Variants in KLF6 observed in about 807,000 individuals in gnomAD.
KLF6 encodes Krueppel-like factor 6.
For missense variants in KLF6, 233 were observed against 359.8 expected, an observed-to-expected ratio of 0.65 and a Z score of 2.85; for synonymous variants, 152 against 147.9, an observed-to-expected ratio of 1.03 and a Z score of -0.20.
In KLF6 at chr10:3,777,725, T is replaced by A. The variant is rs981570495; in HGVS notation, c.*1814A>T. ...TCTAGCTAAACATTCTAGTTTCTCC[T>A]TAAAAAAAATATTTATATATTATCT... On this transcript the variant is annotated 3_prime_UTR_variant, in exon 4 of 4. Transcript: ENST00000497571. The A allele has an allele frequency of 2.8e-6, 1 of 352,168 alleles. No homozygotes were observed. The highest frequency in any genetic ancestry group is 2.2e-5 in the African/African-American group (1 of 45,564). The allele number at this position is 352,168 out of a possible 1,614,324, so 21.8% of individuals were successfully genotyped here.
At chr10:3,784,436 A>G (rs1832601424) in intron 1 of KLF6, among the ~76,000 whole-genome samples, 1 of 152,190 alleles carries the variant, frequency 6.6e-6, no homozygotes, top group Admixed American at 6.5e-5. Context: ...AAGAGCAGAA[A>G]ACACATTGGA....
chr10:3,777,838 G>C lies in KLF6; in HGVS notation c.*1701C>G, dbSNP rs1264085359. On this transcript the variant is annotated 3_prime_UTR_variant, in exon 4 of 4. Coordinates refer to ENST00000497571, the MANE Select transcript of KLF6 (RefSeq NM_001300.6). ...GAATTCTGCCCACTTTTTTAAAAAA[G>C]TAGTATACTTTCTGTATTACCAACA... 1 of 481,744 alleles carries C rather than the reference G, an allele frequency of 2.1e-6. No homozygotes were observed. 29.8% of individuals were successfully genotyped at this position (481,744 alleles called of 1,614,324 possible).
rs1832516624 is a variant in KLF6, at chr10:3,781,432, T to C, written c.676+209A>G. ...CTTGTTTGTTTAATCTGAAAATTGT[T>C]ACACATTTATCCAACTCAAAAGTCC... On this transcript the variant is annotated intron_variant, in intron 2 of 3. Coordinates refer to ENST00000497571, the MANE Select transcript of KLF6 (RefSeq NM_001300.6). This position sits in a 1 kb window ranked among gnomAD's most constrained non-coding sequence, Gnocchi z 5.8. The C allele has an allele frequency of 1.3e-6, 2 of 1,513,892 alleles. No individual in the cohort carries two copies. Among genetic ancestry groups the C allele is most frequent in the Admixed American group, 2.2e-5 (1 of 44,630 alleles). 93.8% of individuals were successfully genotyped at this position (1,513,892 alleles called of 1,614,324 possible).
At position 3,781,097 on chromosome 10, in the gene KLF6, A is replaced by T. The variant is rs1832507227; in HGVS notation, c.676+544T>A. ...TGGCATTTCATTAAGAAACTGTTTCAAGCGGTATCAGAAACAAAGGCTGCA... is the reference window on the plus strand; with the variant it reads ...TGGCATTTCATTAAGAAACTGTTTCTAGCGGTATCAGAAACAAAGGCTGCA... On this transcript the variant is annotated intron_variant, in intron 2 of 3. Transcript: ENST00000497571. This position sits in a 1 kb window ranked among gnomAD's most constrained non-coding sequence, Gnocchi z 5.8. The T allele has an allele frequency of 5.4e-6, 1 of 186,428 alleles. No homozygotes were observed. The highest frequency in any genetic ancestry group is 1.1e-5 in the Non-Finnish European group (1 of 89,954). The allele number at this position is 186,428 out of a possible 1,614,324, so 11.5% of individuals were successfully genotyped here.
Position 3,776,440 on chromosome 10 carries a change from T to C in KLF6, c.*3099A>G, listed in dbSNP as rs1440520230. ...GGAAGGGGCTGAGGTCGGTGAGTTG[T>C]TCTCAGGGTTGCTCAATGAAGATTT... On this transcript the variant is annotated 3_prime_UTR_variant, in exon 4 of 4. Transcript: ENST00000497571. The C allele has an allele frequency of 1.9e-5, 10 of 531,910 alleles. No homozygotes were observed. Among genetic ancestry groups the C allele is most frequent in the Middle Eastern group, 5.2e-4 (1 of 1,916 alleles). The allele number at this position is 531,910 out of a possible 1,614,324, so 32.9% of individuals were successfully genotyped here.
chr10:3,780,136 G>A lies in KLF6; in HGVS notation c.770C>T (p.Ala257Val). The A allele has an allele frequency of 6.2e-7, 1 of 1,614,180 alleles. No individual in the cohort carries two copies. The highest frequency in any genetic ancestry group is 8.5e-7 in the Non-Finnish European group (1 of 1,180,020). Residue 257 changes from alanine (A) to valine (V), a missense_variant, in exon 3 of 4, where the codon GCC becomes GTC. Physicochemically the swap from Ala to Val is moderately conservative, Grantham distance 64. Coordinates refer to ENST00000497571, the MANE Select transcript of KLF6 (RefSeq NM_001300.6). The surrounding 1 kb of genome is among the most constrained non-coding windows in gnomAD (Gnocchi z 4.6). ...ACAGTGGGAGCATTTAAAAGGCTTG[G>A]CCCCGGTGTGCTTTCGGAAGTGCCT... ...LTRHFRKHTG[A>V]KPFKCSHCDR... is the part of the protein sequence containing the mutation.
chr10:3,777,370 A>G lies in KLF6; in HGVS notation c.*2169T>C. ...GGAAAAAATAGCTTCATCTGCATAA[A>G]AAGTGTTCTACAAAAGAATCCCTGT... On this transcript the variant is annotated 3_prime_UTR_variant, in exon 4 of 4. Transcript: ENST00000497571. 1 of 513,972 alleles carries G rather than the reference A, an allele frequency of 1.9e-6. No individual in the cohort carries two copies. Among genetic ancestry groups the G allele is most frequent in the Non-Finnish European group, 3.8e-6 (1 of 263,384 alleles). The allele number at this position is 513,972 out of a possible 1,614,324, so 31.8% of individuals were successfully genotyped here. A position where few individuals can be genotyped will look rare whatever the true frequency, so the allele number is the denominator to read the frequency against.
At position 3,776,769 on chromosome 10, in the gene KLF6, C is replaced by G; in HGVS notation, c.*2770G>C. The G allele has an allele frequency of 2.1e-6, 1 of 487,326 alleles. No individual in the cohort carries two copies. Among genetic ancestry groups the G allele is most frequent in the Non-Finnish European group, 3.9e-6 (1 of 255,704 alleles). 30.2% of individuals were successfully genotyped at this position (487,326 alleles called of 1,614,324 possible). On this transcript the variant is annotated 3_prime_UTR_variant, in exon 4 of 4. Coordinates refer to ENST00000497571, the MANE Select transcript of KLF6 (RefSeq NM_001300.6). ...TTTAATTTCAAGCAAAAAGTTTCTG[C>G]TTGATTGAGGCTCAGTTATCACCTG...
rs1053229949 is a variant in KLF6 at position 3,776,265 on chromosome 10, G to A, written c.*3274C>T. ...CAATGCATTCCCTGGCTTGAGCAATGGAAGATCAAACCGGCATGGTTCCCT... is the reference window on the plus strand; with the variant it reads ...CAATGCATTCCCTGGCTTGAGCAATAGAAGATCAAACCGGCATGGTTCCCT... On this transcript the variant is annotated 3_prime_UTR_variant, in exon 4 of 4. Transcript: ENST00000497571. 1 of 532,664 alleles carries A rather than the reference G, an allele frequency of 1.9e-6. No individual in the cohort carries two copies. The highest frequency in any genetic ancestry group is 3.6e-6 in the Non-Finnish European group (1 of 275,376). The allele number at this position is 532,664 out of a possible 1,614,324, so 33.0% of individuals were successfully genotyped here. A position where few individuals can be genotyped will look rare whatever the true frequency, so the allele number is the denominator to read the frequency against.
In KLF6 at chr10:3,777,928, T is replaced by C. The variant is rs1832430878; in HGVS notation, c.*1611A>G. On this transcript the variant is annotated 3_prime_UTR_variant, in exon 4 of 4. Transcript: ENST00000497571. ...AAATACATTAACATTGGGGGTTTTT[T>C]AATACTTCTGTATCTTTAATATGTG... 2.0e-6 allele frequency: 1 copy of C among 494,532 alleles called. No individual in the cohort carries two copies. The allele number at this position is 494,532 out of a possible 1,614,324, so 30.6% of individuals were successfully genotyped here. A position where few individuals can be genotyped will look rare whatever the true frequency, so the allele number is the denominator to read the frequency against.
At position 3,776,017 on chromosome 10, in the gene KLF6, T is replaced by C. The variant is rs1302295602; in HGVS notation, c.*3522A>G. On this transcript the variant is annotated 3_prime_UTR_variant, in exon 4 of 4. Transcript: ENST00000497571. Reference sequence around the variant, plus strand: ...CCTCTGGCAGTGATGTCATCTTTTATTTTCTGCCCTCCTTGACTGAGAGTG... The same window carrying C: ...CCTCTGGCAGTGATGTCATCTTTTACTTTCTGCCCTCCTTGACTGAGAGTG... 2.1e-6 allele frequency: 1 copy of C among 478,892 alleles called. No individual in the cohort carries two copies. The highest frequency in any genetic ancestry group is 4.3e-5 in the East Asian group (1 of 23,498). The allele number at this position is 478,892 out of a possible 1,614,324, so 29.7% of individuals were successfully genotyped here. A position where few individuals can be genotyped will look rare whatever the true frequency, so the allele number is the denominator to read the frequency against.
Position 3,785,129 on chromosome 10 carries a change from C to G in KLF6, c.-115G>C. ...GAAAGTTTCATGCAAACTCCAGGCT[C>G]GCAGAGACGCCCGGCCGGACCCTCC... On this transcript the variant is annotated 5_prime_UTR_variant, in exon 1 of 4. Coordinates refer to ENST00000497571, the MANE Select transcript of KLF6 (RefSeq NM_001300.6). The G allele has an allele frequency of 1.9e-6, 3 of 1,547,224 alleles. No individual in the cohort carries two copies. Among genetic ancestry groups the G allele is most frequent in the South Asian group, 2.3e-5 (2 of 85,256 alleles).
rs1440220490 is a variant in KLF6 at position 3,778,163 on chromosome 10, TA to T, written c.*1375del. 1.9e-6 allele frequency: 1 copy of T among 521,040 alleles called. No homozygotes were observed. The highest frequency in any genetic ancestry group is 2.2e-5 in the Admixed American group (1 of 44,574). 32.3% of individuals were successfully genotyped at this position (521,040 alleles called of 1,614,324 possible). On this transcript the variant is annotated 3_prime_UTR_variant, in exon 4 of 4. Coordinates refer to ENST00000497571, the MANE Select transcript of KLF6 (RefSeq NM_001300.6). The stretch of plus-strand genomic sequence containing the variant: ...TCTATGTCTTTGTGAAGGAGGACCT[TA>T]AAGAGATTTTTTTTCTGTATTATAC...
In KLF6 at chr10:3,780,055, A is replaced by G. The variant is rs1394225939; in HGVS notation, c.800+51T>C. On this transcript the variant is annotated intron_variant, in intron 3 of 3. Coordinates refer to ENST00000497571, the MANE Select transcript of KLF6 (RefSeq NM_001300.6). This position sits in a 1 kb window ranked among gnomAD's most constrained non-coding sequence, Gnocchi z 4.6. ...GCACACCTACTCAACCCTGGTCATCACATTCCCAAGGCCCCACGCTCCTTG... is the reference window on the plus strand; with the variant it reads ...GCACACCTACTCAACCCTGGTCATCGCATTCCCAAGGCCCCACGCTCCTTG... 2 of 1,611,836 alleles carry G rather than the reference A, an allele frequency of 1.2e-6. No homozygotes were observed. The highest frequency in any genetic ancestry group is 1.3e-5 in the African/African-American group (1 of 74,892).
At position 3,776,678 on chromosome 10, in the gene KLF6, A is replaced by ATTCT. The variant is rs1396136595; in HGVS notation, c.*2857_*2860dup. 5 of 479,324 alleles carry ATTCT rather than the reference A, an allele frequency of 1.0e-5. No individual in the cohort carries two copies. In the East Asian group the frequency reaches 2.2e-4, roughly 21 times the overall value. The allele number at this position is 479,324 out of a possible 1,614,324, so 29.7% of individuals were successfully genotyped here. A position where few individuals can be genotyped will look rare whatever the true frequency, so the allele number is the denominator to read the frequency against. Reference sequence around the variant, plus strand: ...AAAATTTTACAAAAATCTTACAAAGATTCTTTAGATAACAGGGTGCTTCCA... The same window carrying ATTCT: ...AAAATTTTACAAAAATCTTACAAAGATTCTTTCTTTAGATAACAGGGTGCTTCCA... On this transcript the variant is annotated 3_prime_UTR_variant, in exon 4 of 4. Coordinates refer to ENST00000497571, the MANE Select transcript of KLF6 (RefSeq NM_001300.6).
At position 3,778,123 on chromosome 10, in the gene KLF6, T is replaced by G. The variant is rs986089018; in HGVS notation, c.*1416A>C. 1 of 517,698 alleles carries G rather than the reference T, an allele frequency of 1.9e-6. No homozygotes were observed. The highest frequency in any genetic ancestry group is 3.8e-6 in the Non-Finnish European group (1 of 265,810). The allele number at this position is 517,698 out of a possible 1,614,324, so 32.1% of individuals were successfully genotyped here. A position where few individuals can be genotyped will look rare whatever the true frequency, so the allele number is the denominator to read the frequency against. The stretch of plus-strand genomic sequence containing the variant: ...AAAGTGTTGAACAAATACTGACATG[T>G]AAAGGGAGTTTCACTCTATGTCTTT... On this transcript the variant is annotated 3_prime_UTR_variant, in exon 4 of 4. Transcript: ENST00000497571.
chr10:3,780,299 AAC>A lies in KLF6; in HGVS notation c.677-72_677-71del. On this transcript the variant is annotated intron_variant, in intron 2 of 3. Transcript: ENST00000497571. This position sits in a 1 kb window ranked among gnomAD's most constrained non-coding sequence, Gnocchi z 4.6. ...CGCAGACGGAAAGGGGAAATTCAAC[AAC>A]ACACACAGTGGTGGGATGCAAGGCC... 6.3e-7 allele frequency: 1 copy of A among 1,590,780 alleles called. No individual in the cohort carries two copies. Among genetic ancestry groups the A allele is most frequent in the Non-Finnish European group, 8.6e-7 (1 of 1,167,286 alleles).
In KLF6 at chr10:3,776,348, C is replaced by T. The variant is rs1433276478; in HGVS notation, c.*3191G>A. ...AGTCCTTGGAGAAGAGTATTTGATG[C>T]ATTCAGGGAGGGCAATGTCAGGCTC... On this transcript the variant is annotated 3_prime_UTR_variant, in exon 4 of 4. Transcript: ENST00000497571. 3.8e-6 allele frequency: 2 copies of T among 532,432 alleles called. No homozygotes were observed. The highest frequency in any genetic ancestry group is 7.3e-6 in the Non-Finnish European group (2 of 275,154). The allele number at this position is 532,432 out of a possible 1,614,324, so 33.0% of individuals were successfully genotyped here. A position where few individuals can be genotyped will look rare whatever the true frequency, so the allele number is the denominator to read the frequency against.
rs1237968982 is a variant in KLF6 at position 3,781,379 on chromosome 10, G to T, written c.676+262C>A. On this transcript the variant is annotated intron_variant, in intron 2 of 3. Transcript: ENST00000497571. This position sits in a 1 kb window ranked among gnomAD's most constrained non-coding sequence, Gnocchi z 5.8. ...CTAAGGGGTGGGGGGTGGAGGTTTG[G>T]GTGTCCGTGGAGAAAAGGATCTAGT... The T allele has an allele frequency of 3.0e-5, 44 of 1,454,078 alleles. No homozygotes were observed. In the East Asian group the frequency reaches 1.0e-3, roughly 35 times the overall value. The allele number at this position is 1,454,078 out of a possible 1,614,324, so 90.1% of individuals were successfully genotyped here.
Sources: allele counts gnomAD v4.1 joint callset (sites outside exome capture counted in the v4.1 genomes callset), GRCh38; gene constraint gnomAD v4.1.1; non-coding constraint Gnocchi (gnomAD v3.1); transcripts MANE v1.5; gene names NCBI Gene and HGNC (gene_info 2026-07-23, HGNC 2026-07-21).